Variants in DPP10 observed in about 807,000 individuals in gnomAD.
DPP10 encodes the protein inactive dipeptidyl peptidase 10.
A neutral mutation model predicts 120.9 loss-of-function variants in DPP10; 33 were observed. That is an observed-to-expected ratio of 0.27 (90% CI 0.21 to 0.37). The LOEUF (loss-of-function observed/expected upper bound fraction) is 0.37, where lower values mean the gene tolerates loss of function less well. Among genes scored for constraint, DPP10 ranks in the 10% least tolerant of loss-of-function variants. The probability of loss-of-function intolerance (pLI) is 1.00; values close to 1 mark genes in which losing one functional copy is unlikely to be tolerated. For synonymous variants in DPP10, 337 were observed against 326.1 expected, an observed-to-expected ratio of 1.03 and a Z score of -0.36; for missense variants, 816 against 942.8, an observed-to-expected ratio of 0.87 and a Z score of 1.76.
At chr2:115,384,686 AGAAG>A in intron 3 of DPP10, among the ~76,000 whole-genome samples, 6 of 146,974 alleles carry the variant, frequency 4.1e-5, no homozygotes, top group South Asian at 4.3e-4. Flanking sequence ...AAGAAGAGGA[AGAAG>A]AAGAAAAAGA....
chr2:115,298,389 C>T (rs528406987), intron 1 of DPP10, among the ~76,000 whole-genome samples: 3 of 151,982 alleles, frequency 2.0e-5, no homozygotes, highest in Non-Finnish European at 2.9e-5. Flanking sequence ...GCCACTAACT[C>T]GTAATGCATC....
intron 1 of DPP10, among the ~76,000 whole-genome samples, chr2:115,241,672 T>A (rs2058288094): frequency 6.6e-6 from 1 of 152,192 alleles, no homozygotes; most frequent in Non-Finnish European, 1.5e-5. Flanking sequence ...ATCAAACCAT[T>A]TCTATTTCTT....
At chr2:114,656,639 G>T (rs116278959) in intron 1 of DPP10, among the ~76,000 whole-genome samples, 1,876 of 152,208 alleles carry the variant, frequency 0.012, 34 homozygotes, top group African/African-American at 0.041. Flanking sequence ...TAGTGGTGAG[G>T]ATATGTAGCA....
chr2:115,379,303 TTATC>T (rs1321326107), intron 3 of DPP10, among the ~76,000 whole-genome samples: 2 of 152,228 alleles, frequency 1.3e-5, no homozygotes, highest in Non-Finnish European at 2.9e-5. Context: ...GTCGAGGAAT[TTATC>T]TATTTCTTCT....
intron 2 of DPP10, among the ~76,000 whole-genome samples, chr2:115,322,040 TC>T (rs2062089595): frequency 6.6e-6 from 1 of 152,184 alleles, no homozygotes; most frequent in South Asian, 2.1e-4. Context: ...TGTCTGTGCC[TC>T]CCCAGCAGCA....
At chr2:115,005,835 G>C (rs1301800412) in intron 1 of DPP10, among the ~76,000 whole-genome samples, 1 of 152,122 alleles carries the variant, frequency 6.6e-6, no homozygotes, top group Admixed American at 6.5e-5. Flanking sequence ...TAGCAAGGCA[G>C]GCCAACATTC....
chr2:114,626,016 A>G (rs923302335), intron 1 of DPP10, among the ~76,000 whole-genome samples: 2 of 151,614 alleles, frequency 1.3e-5, no homozygotes, highest in Non-Finnish European at 2.9e-5. Context: ...AGAAAATAAA[A>G]TATATTATAA....
chr2:115,591,247 A>G (rs2082642563), intron 5 of DPP10, among the ~76,000 whole-genome samples: 1 of 152,172 alleles, frequency 6.6e-6, no homozygotes. Flanking sequence ...TATGTCCTGA[A>G]TGGTACTGCC....
At chr2:115,674,573 C>T (rs936673842) in intron 5 of DPP10, among the ~76,000 whole-genome samples, 2 of 152,074 alleles carry the variant, frequency 1.3e-5, no homozygotes, top group African/African-American at 2.4e-5. Flanking sequence ...ATGTGTTTGG[C>T]ATTTTCAAGG....
chr2:115,649,627 T>A (rs1441600914), intron 5 of DPP10, among the ~76,000 whole-genome samples: 2 of 152,078 alleles, frequency 1.3e-5, no homozygotes, highest in Non-Finnish European at 2.9e-5. Flanking sequence ...TTCCAAATTA[T>A]GAAAAAGGAA....
chr2:115,781,107 A>T (rs1403195726), intron 16 of DPP10, 112 bp downstream of exon 16: 1 of 874,658 alleles, frequency 1.1e-6, no homozygotes, highest in Non-Finnish European at 1.6e-6. Flanking sequence ...TAATTTATAA[A>T]TTTTTGTTAA....
chr2:114,490,207 A>G (rs1484192325), intron 1 of DPP10, among the ~76,000 whole-genome samples: 1 of 151,700 alleles, frequency 6.6e-6, no homozygotes, highest in Non-Finnish European at 1.5e-5. Context: ...TGCCCTCATG[A>G]TCTTGTTCTG....
At chr2:115,127,118 C>T (rs539040988) in intron 1 of DPP10, among the ~76,000 whole-genome samples, 2 of 152,140 alleles carry the variant, frequency 1.3e-5, no homozygotes, top group South Asian at 4.1e-4. Flanking sequence ...AGAGGTTGCA[C>T]AGTAATATAC....
At chr2:115,032,603 G>A (rs1040040069) in intron 1 of DPP10, among the ~76,000 whole-genome samples, 6 of 151,972 alleles carry the variant, frequency 3.9e-5, no homozygotes, top group African/African-American at 4.8e-5. Flanking sequence ...TTCATTGGCC[G>A]GGTGTGGTGG....
At chr2:114,444,084 T>G (rs1677810316) in intron 1 of DPP10, among the ~76,000 whole-genome samples, 1 of 152,084 alleles carries the variant, frequency 6.6e-6, no homozygotes, top group African/African-American at 2.4e-5. Context: ...ACATAGGGAG[T>G]TAACTGAAAT....
intron 1 of DPP10, among the ~76,000 whole-genome samples, chr2:114,513,250 C>T (rs147612303): frequency 5.8e-4 from 88 of 152,152 alleles, no homozygotes; most frequent in African/African-American, 1.8e-3. Context: ...CAGCTGGGCA[C>T]GGTGGCTAAC....
chr2:114,923,719 G>T (rs1574493855), intron 1 of DPP10, among the ~76,000 whole-genome samples: 1 of 141,828 alleles, frequency 7.1e-6, no homozygotes, highest in South Asian at 2.3e-4. Flanking sequence ...GCCCGCCTTG[G>T]CCTCCCAAAG....
chr2:115,665,648 A>G (rs7582144), intron 5 of DPP10, among the ~76,000 whole-genome samples: 149,972 of 152,204 alleles, frequency 0.99, 73,924 homozygotes, highest in Middle Eastern at 1. Context: ...GCTATATTTT[A>G]CCCCACTCTA....
At chr2:114,691,916 G>T (rs1343790421) in intron 1 of DPP10, among the ~76,000 whole-genome samples, 5 of 151,820 alleles carry the variant, frequency 3.3e-5, no homozygotes, top group Admixed American at 2.6e-4. Context: ...TTTCTGTGGG[G>T]TCAGTGGTGA....
Sources: gnomAD v4.1 joint callset for allele counts (sites outside exome capture counted in the v4.1 genomes callset) on GRCh38, gnomAD v4.1.1 for gene constraint, MANE v1.5 for transcripts, NCBI Gene and HGNC (gene_info 2026-07-23, HGNC 2026-07-21) for gene names.